SSBP2: variants seen among roughly 807,000 people sequenced by gnomAD.
The protein encoded by SSBP2 is single-stranded DNA-binding protein 2.
In SSBP2, 17 loss-of-function variants were observed where a neutral mutation model predicts 61.8. That is an observed-to-expected ratio of 0.28 (90% CI 0.19 to 0.41). The LOEUF (loss-of-function observed/expected upper bound fraction) is 0.41, where lower values mean the gene tolerates loss of function less well. Among genes scored for constraint, SSBP2 ranks in the 10% least tolerant of loss-of-function variants. SSBP2 has a pLI of 1.00. For missense variants in SSBP2, 310 were observed against 458.7 expected (o/e 0.68, Z 2.96); for synonymous variants, 139 against 141.3 (o/e 0.98, Z 0.12).
chr5:81,580,145 G>A (rs879290440), intron 4 of SSBP2, among the ~76,000 whole-genome samples: 15 of 152,042 alleles, frequency 9.9e-5, no homozygotes, highest in Non-Finnish European at 2.1e-4. Context: ...GGTGAAAGGG[G>A]CTTTCCTGTA....
chr5:81,432,246 T>C (rs1762339003), intron 15 of SSBP2, among the ~76,000 whole-genome samples: 1 of 76,594 alleles, frequency 1.3e-5, no homozygotes, highest in African/African-American at 5.2e-5. Flanking sequence ...ATCTACCAGC[T>C]CCCTTGTGAA....
rs1022774793 is a variant in SSBP2, at chr5:81,628,536, A to G, written c.197+8021T>C. Among the ~76,000 whole-genome samples the G allele has an allele frequency of 5.3e-5, 8 of 151,394 alleles. No homozygotes were observed. The East Asian group carries it at 5.8e-4, about 11-fold the overall frequency. On this transcript the variant is annotated intron_variant, in intron 3 of 16. Coordinates refer to ENST00000320672, the MANE Select transcript of SSBP2 (RefSeq NM_012446.5). ...GCCTATGTTTTAAAATTGCACAAGT[A>G]AAAAAACACATTAACATCAGAAGAA...
In SSBP2 at chr5:81,603,836, A is replaced by G. The variant is rs544638952; in HGVS notation, c.282+11637T>C. On this transcript the variant is annotated intron_variant, in intron 4 of 16. Transcript: ENST00000320672. ...AGTTCTATGGTCTCTATATTATACT[A>G]TAATTTTGAAAAATACAATGAGCAT... Among the ~76,000 whole-genome samples the G allele has an allele frequency of 2.6e-5, 4 of 152,316 alleles. No homozygotes were observed. The South Asian group carries it at 6.2e-4, about 24-fold the overall frequency.
At chr5:81,518,681 T>C (rs1769226593) in intron 4 of SSBP2, among the ~76,000 whole-genome samples, 1 of 152,136 alleles carries the variant, frequency 6.6e-6, no homozygotes, top group South Asian at 2.1e-4. Flanking sequence ...AAAATAATGA[T>C]AGTAGGTATC....
At chr5:81,522,835 G>A (rs1018040701) in intron 4 of SSBP2, among the ~76,000 whole-genome samples, 4 of 151,944 alleles carry the variant, frequency 2.6e-5, no homozygotes, top group Non-Finnish European at 5.9e-5. Context: ...TTTTTGGTCT[G>A]TTTTTCAATC....
chr5:81,591,447 T>C (rs1031629426), intron 4 of SSBP2, among the ~76,000 whole-genome samples: 2 of 151,782 alleles, frequency 1.3e-5, no homozygotes, highest in Admixed American at 6.6e-5. Flanking sequence ...GACAAACAAA[T>C]ACATATAAAC....
At chr5:81,515,143 G>A (rs899425652) in intron 4 of SSBP2, among the ~76,000 whole-genome samples, 6 of 151,714 alleles carry the variant, frequency 4.0e-5, no homozygotes, top group Non-Finnish European at 5.9e-5. Flanking sequence ...CTAAACTTGC[G>A]TAAAATTTTA....
upstream of SSBP2, chr5:81,751,400 G>A: frequency 2.7e-6 from 1 of 374,664 alleles, no homozygotes; most frequent in Non-Finnish European, 5.0e-6. Context: ...TGCTCTAGAA[G>A]GATTTTAAAC....
chr5:81,629,560 T>G (rs1747498091), intron 3 of SSBP2, among the ~76,000 whole-genome samples: 1 of 152,208 alleles, frequency 6.6e-6, no homozygotes, highest in Non-Finnish European at 1.5e-5. Context: ...CCAATTACCC[T>G]TCTCTCACTC....
intron 2 of SSBP2, among the ~76,000 whole-genome samples, chr5:81,640,484 T>C (rs1461128248): frequency 6.6e-6 from 1 of 152,140 alleles, no homozygotes; most frequent in Non-Finnish European, 1.5e-5. Context: ...ATAGGCCAGA[T>C]CCTAATTTTA....
chr5:81,433,338 G>T (rs1277588139), intron 15 of SSBP2, among the ~76,000 whole-genome samples: 37 of 151,974 alleles, frequency 2.4e-4, no homozygotes, highest in Non-Finnish European at 7.4e-5. Flanking sequence ...AAACATGTGC[G>T]GTGTCCACTC....
chr5:81,660,002 C>A (rs1561664340), intron 1 of SSBP2, among the ~76,000 whole-genome samples: 1 of 152,008 alleles, frequency 6.6e-6, no homozygotes, highest in Non-Finnish European at 1.5e-5. Flanking sequence ...TTCCTTACAC[C>A]TTACAAAAAA....
chr5:81,702,802 A>T (rs1303122835), intron 1 of SSBP2, among the ~76,000 whole-genome samples: 1 of 152,200 alleles, frequency 6.6e-6, no homozygotes, highest in Non-Finnish European at 1.5e-5. Context: ...GAAGAGCTAC[A>T]TAGTATCTTC....
At chr5:81,533,030 C>A (rs1369692285) in intron 4 of SSBP2, among the ~76,000 whole-genome samples, 1 of 151,814 alleles carries the variant, frequency 6.6e-6, no homozygotes, top group Non-Finnish European at 1.5e-5. Context: ...TCTACATCAG[C>A]TAGATCTAGT....
chr5:81,710,090 A>G (rs1405655685), intron 1 of SSBP2, among the ~76,000 whole-genome samples: 1 of 152,072 alleles, frequency 6.6e-6, no homozygotes, highest in Non-Finnish European at 1.5e-5. Context: ...AAAAAAAACC[A>G]AGAGAGTGAA....
At chr5:81,483,546 T>C (rs906714777) in intron 6 of SSBP2, among the ~76,000 whole-genome samples, 2 of 152,256 alleles carry the variant, frequency 1.3e-5, no homozygotes, top group South Asian at 2.1e-4. Context: ...CCACTCCTAT[T>C]TTACAGGTAA....
chr5:81,583,212 C>T (rs960113139), intron 4 of SSBP2, among the ~76,000 whole-genome samples: 1 of 152,030 alleles, frequency 6.6e-6, no homozygotes, highest in Non-Finnish European at 1.5e-5. Context: ...GAGTGAGATC[C>T]TGTCTCAAAA....
At chr5:81,490,285 T>C (rs1478000416) in intron 5 of SSBP2, among the ~76,000 whole-genome samples, 1 of 152,048 alleles carries the variant, frequency 6.6e-6, no homozygotes, top group African/African-American at 2.4e-5. Flanking sequence ...AAAGAGACTA[T>C]TTTTGATCAT....
Position 81,650,353 on chromosome 5 carries a change from A to G in SSBP2, c.63-14T>C, listed in dbSNP as rs1385446242. 2.6e-6 allele frequency: 4 copies of G among 1,509,486 alleles called. No homozygotes were observed. The highest frequency in any genetic ancestry group is 1.3e-5 in the South Asian group (1 of 78,156). The allele number at this position is 1,509,486 out of a possible 1,614,324, so 93.5% of individuals were successfully genotyped here. On this transcript the variant is annotated splice_polypyrimidine_tract_variant and intron_variant, in intron 1 of 16. Coordinates refer to ENST00000320672, the MANE Select transcript of SSBP2 (RefSeq NM_012446.5). ...TAGAGTGCTAACCTGGAAAACAAAT[A>G]AAATATTTATTGAGAAGAGGAATAT...
Sources: allele counts gnomAD v4.1 joint callset (sites outside exome capture counted in the v4.1 genomes callset), GRCh38; gene constraint gnomAD v4.1.1; transcripts MANE v1.5; gene names NCBI Gene and HGNC (gene_info 2026-07-23, HGNC 2026-07-21).